The following VWA8 variants were observed in gnomAD, a reference collection of about 807,000 sequenced individuals.
VWA8 encodes von Willebrand factor A domain containing 8.
In VWA8, 221 loss-of-function variants were observed where a neutral mutation model predicts 241.5. The ratio of observed to expected loss-of-function variants is 0.91; its 90% CI spans 0.82 to 1.02. VWA8 has a LOEUF of 1.02. Among genes scored for constraint, VWA8 ranks in the 50% least tolerant of loss-of-function variants. The pLI, the probability that VWA8 is intolerant of heterozygous loss-of-function variation, is 0.00. For missense variants in VWA8, 2,322 were observed against 2,328.7 expected (o/e 1.00, Z 0.06); for synonymous variants, 852 against 827.1 (o/e 1.03, Z -0.52).
At chr13:41,782,429 GA>G (rs1410136561) in intron 19 of VWA8, among the ~76,000 whole-genome samples, 1 of 152,142 alleles carries the variant, frequency 6.6e-6, no homozygotes, top group Non-Finnish European at 1.5e-5. Flanking sequence ...TCAGTGCTTG[GA>G]AATAGTATGT....
chr13:41,933,542 CATT>C (rs1877219581), intron 2 of VWA8, among the ~76,000 whole-genome samples: 1 of 151,994 alleles, frequency 6.6e-6, no homozygotes, highest in Non-Finnish European at 1.5e-5. Flanking sequence ...GGAGAACTAA[CATT>C]ATCTGATTTC....
intron 20 of VWA8, among the ~76,000 whole-genome samples, chr13:41,762,148 G>A (rs114692225): frequency 0.014 from 2,122 of 152,108 alleles, 46 homozygotes; most frequent in African/African-American, 0.048. Context: ...TCAGATTTTG[G>A]ATTTTTAGAT....
chr13:41,664,388 G>GCT (rs2044972444), intron 37 of VWA8, among the ~76,000 whole-genome samples: 1 of 104,628 alleles, frequency 9.6e-6, no homozygotes, highest in Non-Finnish European at 2.0e-5. Context: ...GACATGCTTT[G>GCT]ATGTGTGTGT....
chr13:41,939,920 A>G (rs1417570736), intron 2 of VWA8, among the ~76,000 whole-genome samples: 2 of 152,254 alleles, frequency 1.3e-5, no homozygotes, highest in Non-Finnish European at 2.9e-5. Context: ...TAGAAATAAA[A>G]TAGCACTGTC....
chr13:41,592,231 C>G (rs1354439625), intron 40 of VWA8, among the ~76,000 whole-genome samples: 2 of 136,684 alleles, frequency 1.5e-5, no homozygotes, highest in Non-Finnish European at 3.1e-5. Context: ...AAACCAAACA[C>G]CGCATATTCT....
At chr13:41,658,483 T>G (rs780845092) in intron 37 of VWA8, among the ~76,000 whole-genome samples, 2 of 152,260 alleles carry the variant, frequency 1.3e-5, no homozygotes, top group South Asian at 2.1e-4. Context: ...TTTCAATTTC[T>G]GACTGAACAC....
At chr13:41,813,116 C>T (rs935427810) in intron 16 of VWA8, among the ~76,000 whole-genome samples, 11 of 152,118 alleles carry the variant, frequency 7.2e-5, no homozygotes, top group South Asian at 2.1e-4. Context: ...GACACTCTGA[C>T]GGGTTTGGCT....
chr13:41,819,170 A>G (rs753975445), intron 15 of VWA8, 48 bp downstream of exon 15: 3 of 1,557,228 alleles, frequency 1.9e-6, no homozygotes, highest in Non-Finnish European at 2.6e-6. Context: ...TGCCTTAAAA[A>G]GAGATCAGCT....
rs918407346 is a variant in VWA8, at chr13:41,605,101, C to T, written c.4986+67G>A. 2.7e-5 allele frequency: 40 copies of T among 1,508,356 alleles called. No homozygotes were observed. The South Asian group carries it at 4.5e-4, about 17-fold the overall frequency. 93.4% of individuals were successfully genotyped at this position (1,508,356 alleles called of 1,614,324 possible). ...TAATTAGGGTTCAGATAATTTTCTC[C>T]AAGACTTTAGGAATGTGTCCAGGTT... On this transcript the variant is annotated intron_variant, in intron 40 of 44. Coordinates refer to ENST00000379310, the MANE Select transcript of VWA8 (RefSeq NM_015058.2).
intron 21 of VWA8, among the ~76,000 whole-genome samples, chr13:41,746,403 C>T (rs1419305340): frequency 6.6e-6 from 1 of 152,142 alleles, no homozygotes; most frequent in African/African-American, 2.4e-5. Flanking sequence ...GCCCTGACCA[C>T]ACCACTTGCT....
At position 41,912,120 on chromosome 13, in the gene VWA8, A is replaced by G; in HGVS notation, c.290T>C (p.Met97Thr). 6.2e-7 allele frequency: 1 copy of G among 1,610,592 alleles called. No homozygotes were observed. The highest frequency in any genetic ancestry group is 1.7e-4 in the Middle Eastern group (1 of 6,048). Residue 97 changes from methionine to threonine, a missense_variant, in exon 3 of 45, where the codon ATG becomes ACG. Physicochemically the swap from Met to Thr is moderately conservative, Grantham distance 81. Transcript: ENST00000379310. Reference protein sequence around the residue: ...QSVVQHLRWIMQKDLLGQDVF... With the variant: ...QSVVQHLRWITQKDLLGQDVF... Reference sequence around the variant, plus strand: ...ATCTTGCCCCAAAAGATCCTTCTGCATTATCCATCTTAGATGCTGAACTAC... The same window carrying G: ...ATCTTGCCCCAAAAGATCCTTCTGCGTTATCCATCTTAGATGCTGAACTAC...
At chr13:41,811,370 A>C (rs777807109) in intron 16 of VWA8, 30 bp from the exon 17 acceptor site, 1 of 1,564,542 alleles carries the variant, frequency 6.4e-7, no homozygotes, top group South Asian at 1.1e-5. Flanking sequence ...TTGTGTTAAG[A>C]GTCTTGTTTC....
chr13:41,879,087 G>C (rs970225663), intron 9 of VWA8, among the ~76,000 whole-genome samples: 1 of 152,114 alleles, frequency 6.6e-6, no homozygotes, highest in Admixed American at 6.5e-5. Context: ...TTCATCTGGA[G>C]TCACGACCTT....
At chr13:41,699,011 A>G in intron 29 of VWA8, 60 bp downstream of exon 29, 1 of 1,603,360 alleles carries the variant, frequency 6.2e-7, no homozygotes, top group Non-Finnish European at 8.5e-7. Context: ...ATAGGTTTCT[A>G]ATCACTCTTG....
At chr13:41,801,997 C>T (rs1869981882) in intron 17 of VWA8, among the ~76,000 whole-genome samples, 2 of 152,142 alleles carry the variant, frequency 1.3e-5, no homozygotes, top group Non-Finnish European at 2.9e-5. Flanking sequence ...AATTGTCCTC[C>T]CCTCCACAGG....
chr13:41,868,032 T>C (rs950572097), intron 10 of VWA8, among the ~76,000 whole-genome samples: 3 of 152,228 alleles, frequency 2.0e-5, no homozygotes, highest in Admixed American at 6.5e-5. Flanking sequence ...AATAGGTCTC[T>C]GTAGCAGCTC....
intron 19 of VWA8, among the ~76,000 whole-genome samples, chr13:41,780,344 T>G (rs1302766993): frequency 6.6e-6 from 1 of 152,200 alleles, no homozygotes; most frequent in African/African-American, 2.4e-5. Flanking sequence ...CAAACCACTT[T>G]GTTATTCCCC....
At chr13:41,809,681 C>T (rs1870378594) in intron 17 of VWA8, among the ~76,000 whole-genome samples, 1 of 152,156 alleles carries the variant, frequency 6.6e-6, no homozygotes, top group Admixed American at 6.5e-5. Context: ...CTCTCCAAGA[C>T]ATTGGTCAGG....
intron 20 of VWA8, among the ~76,000 whole-genome samples, chr13:41,775,760 C>T (rs1293789077): frequency 1.3e-5 from 2 of 152,158 alleles, no homozygotes; most frequent in African/African-American, 4.8e-5. Flanking sequence ...TGTATAGCAC[C>T]CTAGGACAAT....
Sources: gnomAD v4.1 joint callset for allele counts (sites outside exome capture counted in the v4.1 genomes callset) on GRCh38, gnomAD v4.1.1 for gene constraint, MANE v1.5 for transcripts, NCBI Gene and HGNC (gene_info 2026-07-23, HGNC 2026-07-21) for gene names.